PTPRD: variants seen among roughly 807,000 people sequenced by gnomAD.
PTPRD encodes the protein protein tyrosine phosphatase receptor type D, also known as receptor-type tyrosine-protein phosphatase delta.
Under a neutral mutation model 214.5 loss-of-function variants are expected in PTPRD, and 34 were observed. The observed-to-expected ratio is 0.16, with a 90% confidence interval of 0.12 to 0.21. The LOEUF (loss-of-function observed/expected upper bound fraction) is 0.21. Ranked by LOEUF, PTPRD falls within the 10% of genes least tolerant of loss-of-function variation. The pLI is 1.00. For missense variants in PTPRD, 2,545 were observed against 2,398.7 expected (o/e 1.06, Z -1.27); for synonymous variants, 1,128 against 845.7 (o/e 1.33, Z -5.79).
At chr9:9,214,672 A>AT (rs1374458258) in intron 9 of PTPRD, among the ~76,000 whole-genome samples, 4 of 152,164 alleles carry the variant, frequency 2.6e-5, no homozygotes, top group African/African-American at 9.7e-5. Context: ...TTTAGAGAAG[A>AT]TAAAAACGCC....
chr9:9,842,197 C>A (rs1338338695), intron 5 of PTPRD, among the ~76,000 whole-genome samples: 1 of 150,648 alleles, frequency 6.6e-6, no homozygotes, highest in East Asian at 1.9e-4. Context: ...CTTTTCAAGT[C>A]TGCTTCTTTG....
intron 4 of PTPRD, among the ~76,000 whole-genome samples, chr9:10,029,954 G>A (rs988326899): frequency 2.0e-5 from 3 of 152,016 alleles, no homozygotes; most frequent in African/African-American, 2.4e-5. Flanking sequence ...TCATGGGGGC[G>A]GGTCTTTTCT....
At chr9:9,310,172 C>G (rs1208283123) in intron 9 of PTPRD, among the ~76,000 whole-genome samples, 1 of 152,108 alleles carries the variant, frequency 6.6e-6, no homozygotes, top group Non-Finnish European at 1.5e-5. Flanking sequence ...TGTTTTGGAT[C>G]TGCTGATGTT....
chr9:10,381,871 C>G (rs56819937), intron 2 of PTPRD, among the ~76,000 whole-genome samples: 1 of 151,860 alleles, frequency 6.6e-6, no homozygotes, highest in African/African-American at 2.4e-5. Context: ...CTGTAGCTCT[C>G]AGTTTTCCCA....
At chr9:8,432,086 G>A (rs562111877) in intron 35 of PTPRD, among the ~76,000 whole-genome samples, 2 of 152,200 alleles carry the variant, frequency 1.3e-5, no homozygotes, top group Non-Finnish European at 2.9e-5. Flanking sequence ...ATCTGTAGGC[G>A]CCAGCCTAAG....
chr9:8,948,081 G>A (rs2099076983), intron 11 of PTPRD, among the ~76,000 whole-genome samples: 1 of 147,242 alleles, frequency 6.8e-6, no homozygotes, highest in African/African-American at 2.5e-5. Flanking sequence ...GTGCAGTGGT[G>A]TGATCTCTGC....
chr9:9,926,742 A>G (rs1245661600), intron 5 of PTPRD, among the ~76,000 whole-genome samples: 1 of 152,192 alleles, frequency 6.6e-6, no homozygotes, highest in Non-Finnish European at 1.5e-5. Context: ...TTAATAAAGA[A>G]CTACTTATGC....
intron 3 of PTPRD, among the ~76,000 whole-genome samples, chr9:10,116,424 A>T (rs1035157984): frequency 3.5e-4 from 54 of 152,298 alleles, no homozygotes; most frequent in African/African-American, 1.3e-3. Flanking sequence ...CACTAAAAGA[A>T]ATCATAGATA....
At chr9:9,873,811 T>C (rs540314173) in intron 5 of PTPRD, among the ~76,000 whole-genome samples, 194 of 152,282 alleles carry the variant, frequency 1.3e-3, no homozygotes, top group African/African-American at 4.2e-3. Flanking sequence ...TACAGAAGCA[T>C]ATCTCAAGAC....
intron 3 of PTPRD, among the ~76,000 whole-genome samples, chr9:10,169,112 G>T (rs2099181281): frequency 1.3e-5 from 2 of 152,088 alleles, no homozygotes; most frequent in Non-Finnish European, 1.5e-5. Context: ...ACTAATAATA[G>T]TTAACCCCTT....
chr9:10,603,951 C>T (rs1291944243), intron 2 of PTPRD, among the ~76,000 whole-genome samples: 8 of 151,772 alleles, frequency 5.3e-5, no homozygotes, highest in Admixed American at 5.3e-4. Flanking sequence ...AAGAGAAATG[C>T]ACAATACAGA....
In PTPRD at chr9:8,596,210, T is replaced by A. The variant is rs756073097; in HGVS notation, c.352+37107A>T. Among the ~76,000 whole-genome samples, 76 of 152,220 alleles carry A rather than the reference T, an allele frequency of 5.0e-4. 1 individual carries two copies. Among genetic ancestry groups the A allele is most frequent in the Admixed American group, 1.0e-3 (16 of 15,292 alleles). ...ATAGTATTTTGCATATCATGAATTA[T>A]CTTAATATGAAAATAATACTCCATC... On this transcript the variant is annotated intron_variant, in intron 14 of 45. Transcript: ENST00000381196.
At chr9:9,680,356 A>G (rs556776836) in intron 7 of PTPRD, among the ~76,000 whole-genome samples, 9 of 152,026 alleles carry the variant, frequency 5.9e-5, no homozygotes, top group South Asian at 4.1e-4. Context: ...AAATAAAAAG[A>G]AAAGCTTATT....
intron 28 of PTPRD, 60 bp downstream of exon 28, chr9:8,485,702 C>G (rs906632939): frequency 4.1e-5 from 58 of 1,416,890 alleles, no homozygotes; most frequent in African/African-American, 3.3e-4. Context: ...CTTCAAAATA[C>G]TGATTTCCAA....
At chr9:10,001,009 T>G (rs1280606323) in intron 4 of PTPRD, among the ~76,000 whole-genome samples, 1 of 152,196 alleles carries the variant, frequency 6.6e-6, no homozygotes, top group African/African-American at 2.4e-5. Context: ...CGACCACTTT[T>G]TCGCAGCAGC....
At chr9:8,786,058 T>C (rs1163855921) in intron 11 of PTPRD, among the ~76,000 whole-genome samples, 1 of 98,920 alleles carries the variant, frequency 1.0e-5, no homozygotes, top group Non-Finnish European at 2.0e-5. Context: ...TGTGTGTGTG[T>C]GTGTGTGTGT....
At chr9:9,952,641 A>G (rs2093559942) in intron 4 of PTPRD, among the ~76,000 whole-genome samples, 1 of 152,098 alleles carries the variant, frequency 6.6e-6, no homozygotes, top group South Asian at 2.1e-4. Flanking sequence ...TATAATAACT[A>G]TTCTCCCTTC....
At chr9:10,028,694 C>T (rs2096980080) in intron 4 of PTPRD, among the ~76,000 whole-genome samples, 1 of 152,100 alleles carries the variant, frequency 6.6e-6, no homozygotes, top group African/African-American at 2.4e-5. Flanking sequence ...ATGATTTAGG[C>T]TATCTGGCGG....
At chr9:9,565,989 T>C (rs537573073) in intron 8 of PTPRD, among the ~76,000 whole-genome samples, 2 of 152,106 alleles carry the variant, frequency 1.3e-5, no homozygotes, top group East Asian at 1.9e-4. Context: ...TTTATAAATA[T>C]GCTATGAAGG....
Sources: gnomAD v4.1 joint callset for allele counts (sites outside exome capture counted in the v4.1 genomes callset) on GRCh38, gnomAD v4.1.1 for gene constraint, MANE v1.5 for transcripts, NCBI Gene and HGNC (gene_info 2026-07-23, HGNC 2026-07-21) for gene names.